KCNG3: variants seen among roughly 807,000 people sequenced by gnomAD.
KCNG3 encodes potassium voltage-gated channel modifier subfamily G member 3, also known as voltage-gated potassium channel regulatory subunit KCNG3.
KCNG3 carries 15 observed loss-of-function variants against 29.0 expected under a neutral mutation model. That is an observed-to-expected ratio of 0.52 (90% CI 0.35 to 0.80). KCNG3 has a LOEUF of 0.80. Ranked by LOEUF, KCNG3 falls within the 30% of genes least tolerant of loss-of-function variation. KCNG3 has a pLI of 0.01. For missense variants in KCNG3, 512 were observed against 605.7 expected (o/e 0.85, Z 1.62); for synonymous variants, 322 against 248.9 (o/e 1.29, Z -2.76).
chr2:42,416,196 G>T, the KCNG3 span, among the ~76,000 whole-genome samples: 2 of 152,268 alleles, frequency 1.3e-5, no homozygotes, highest in African/African-American at 4.8e-5. Context: ...GGAGACAAAG[G>T]AAGGCAGGAG....
Position 42,444,126 on chromosome 2 carries a change from T to C in KCNG3, c.1119A>G (p.Thr373=). 1 of 1,614,152 alleles carries C rather than the reference T, an allele frequency of 6.2e-7. No homozygotes were observed. Among genetic ancestry groups the C allele is most frequent in the Non-Finnish European group, 8.5e-7 (1 of 1,180,010 alleles). Residue 373 remains threonine, a synonymous_variant, in exon 2 of 2, where the codon ACA becomes ACG. Transcript: ENST00000306078. This position sits in a 1 kb window ranked among gnomAD's most constrained non-coding sequence, Gnocchi z 5.8. ...ACWWVIISMT[T]VGYGDMYPIT... Reference sequence around the variant, plus strand: ...TAGGATACATATCTCCATAGCCAACTGTAGTCATAGAGATAATCACCCACC... The same window carrying C: ...TAGGATACATATCTCCATAGCCAACCGTAGTCATAGAGATAATCACCCACC...
intron 1 of KCNG3, among the ~76,000 whole-genome samples, chr2:42,477,114 C>A (rs1304589549): frequency 1.3e-5 from 2 of 149,926 alleles, no homozygotes; most frequent in Non-Finnish European, 3.0e-5. Flanking sequence ...ATGGTGTGAA[C>A]CCGGGAGGCG....
rs1254175138 is a variant in KCNG3 at position 42,443,037 on chromosome 2, A to G, written c.*897T>C. The G allele has an allele frequency of 1.3e-5, 2 of 152,154 alleles. No homozygotes were observed. Among genetic ancestry groups the G allele is most frequent in the African/African-American group, 4.8e-5 (2 of 41,434 alleles). The allele number at this position is 152,154 out of a possible 1,614,324, so 9.4% of individuals were successfully genotyped here. ...CCTTTCATCTGATAAGTCTTATTAA[A>G]CCTCTAGTGTTTGGGGGAGGAGGTT... On this transcript the variant is annotated 3_prime_UTR_variant, in exon 2 of 2. Coordinates refer to ENST00000306078, the MANE Select transcript of KCNG3 (RefSeq NM_133329.6).
At chr2:42,430,054 A>G in the KCNG3 span, among the ~76,000 whole-genome samples, 1 of 152,140 alleles carries the variant, frequency 6.6e-6, no homozygotes, top group Non-Finnish European at 1.5e-5. Context: ...TTTTTTCTCT[A>G]AGCAAATTTT....
At chr2:42,434,732 A>G in the KCNG3 span, among the ~76,000 whole-genome samples, 177 of 151,100 alleles carry the variant, frequency 1.2e-3, no homozygotes, top group Non-Finnish European at 2.2e-3. Flanking sequence ...CAAACTTACT[A>G]CAAAGATACA....
chr2:42,451,315 C>T (rs941350296), intron 1 of KCNG3, among the ~76,000 whole-genome samples: 4 of 151,286 alleles, frequency 2.6e-5, no homozygotes, highest in African/African-American at 9.7e-5. Context: ...CAGTGACACA[C>T]ACCTGTAATC....
the KCNG3 span, among the ~76,000 whole-genome samples, chr2:42,410,566 A>T: frequency 6.6e-6 from 1 of 152,160 alleles, no homozygotes. Flanking sequence ...ATTTTCATGC[A>T]AGTAGGGGAC....
chr2:42,431,389 C>T, the KCNG3 span, among the ~76,000 whole-genome samples: 3 of 152,006 alleles, frequency 2.0e-5, no homozygotes, highest in East Asian at 1.9e-4. Flanking sequence ...ATCATAACTC[C>T]GTTAGGTTTG....
the KCNG3 span, among the ~76,000 whole-genome samples, chr2:42,412,847 T>C: frequency 2.0e-5 from 3 of 152,242 alleles, no homozygotes; most frequent in African/African-American, 7.2e-5. Context: ...TACTCAGTTT[T>C]CTTCCCTGCT....
At chr2:42,452,244 T>TATATATATATATATATATATATA (rs1491559721) in intron 1 of KCNG3, among the ~76,000 whole-genome samples, 1 of 57,044 alleles carries the variant, frequency 1.8e-5, no homozygotes, top group African/African-American at 7.8e-5. Context: ...TATATATATA[T>TATATATATATATATATATATATA]TTTTTTTTTT....
the KCNG3 span, among the ~76,000 whole-genome samples, chr2:42,421,941 T>C: frequency 1.3e-5 from 2 of 152,194 alleles, no homozygotes; most frequent in East Asian, 3.8e-4. Context: ...GATTGTAACA[T>C]ATAGTCATTG....
the KCNG3 span, among the ~76,000 whole-genome samples, chr2:42,429,149 A>AC: frequency 1.3e-5 from 2 of 152,182 alleles, no homozygotes; most frequent in South Asian, 4.2e-4. Context: ...AAACAAACAA[A>AC]AAAAAAACAG....
In KCNG3 at chr2:42,444,283, C is replaced by T. The variant is rs1449349202; in HGVS notation, c.962G>A (p.Arg321Gln). Reference protein sequence around the residue: ...TLGLTLKRCYREMVMLLVFIC... With the variant: ...TLGLTLKRCYQEMVMLLVFIC... Reference sequence around the variant, plus strand: ...GAAGACAAGTAACATAACCATCTCTCGGTAGCAACGTTTGAGAGTCAAACC... The same window carrying T: ...GAAGACAAGTAACATAACCATCTCTTGGTAGCAACGTTTGAGAGTCAAACC... The change falls in exon 2 of 2, where the codon CGA (arginine) becomes CAA (glutamine). Residue 321 changes from arginine to glutamine, a missense_variant. Arg to Gln is a conservative substitution (Grantham distance 43, BLOSUM62 1). This residue lies in a region of KCNG3 where 173 missense variants were observed against 262.4 expected (regional missense o/e 0.66). Coordinates refer to ENST00000306078, the MANE Select transcript of KCNG3 (RefSeq NM_133329.6). The surrounding 1 kb of genome is among the most constrained non-coding windows in gnomAD (Gnocchi z 5.8). 3.1e-6 allele frequency: 5 copies of T among 1,614,026 alleles called. No homozygotes were observed. Among genetic ancestry groups the T allele is most frequent in the East Asian group, 2.2e-5 (1 of 44,888 alleles).
At chr2:42,428,475 A>AAAAG in the KCNG3 span, among the ~76,000 whole-genome samples, 2 of 143,814 alleles carry the variant, frequency 1.4e-5, no homozygotes, top group African/African-American at 2.8e-5. Flanking sequence ...AAAAAAAAAA[A>AAAAG]AAAGAAAAGA....
Position 42,455,743 on chromosome 2 carries a change from T to TGC in KCNG3, c.666-11165_666-11164insGC, listed in dbSNP as rs565634222. Among the ~76,000 whole-genome samples the TGC allele has an allele frequency of 2.0e-3, 307 of 152,122 alleles. 1 individual carries two copies. The highest frequency in any genetic ancestry group is 0.014 in the Middle Eastern group (4 of 294). On this transcript the variant is annotated intron_variant, in intron 1 of 1. Coordinates refer to ENST00000306078, the MANE Select transcript of KCNG3 (RefSeq NM_133329.6). Reference sequence around the variant, plus strand: ...ATGACTGCTCCATTACACTCCAGACTAGGCAACAGACCAAAATCCTGTCTC... The same window carrying TGC: ...ATGACTGCTCCATTACACTCCAGACTGCAGGCAACAGACCAAAATCCTGTCTC...
At chr2:42,402,576 G>T in the KCNG3 span, among the ~76,000 whole-genome samples, 1 of 152,198 alleles carries the variant, frequency 6.6e-6, no homozygotes, top group Admixed American at 6.5e-5. Flanking sequence ...AATTCAGCTG[G>T]AATTCGTTTT....
chr2:42,414,286 G>C, the KCNG3 span, among the ~76,000 whole-genome samples: 1 of 152,110 alleles, frequency 6.6e-6, no homozygotes, highest in African/African-American at 2.4e-5. Flanking sequence ...GTCCTTGTGT[G>C]TGTTAAAATA....
intron 1 of KCNG3, among the ~76,000 whole-genome samples, chr2:42,468,954 CAAAAAAAAAA>C (rs61287684): frequency 5.3e-5 from 3 of 57,112 alleles, no homozygotes; most frequent in South Asian, 8.1e-4. Flanking sequence ...ACTCCGTCTC[CAAAAAAAAAA>C]AAAAAAAAAA....
chr2:42,474,383 C>T (rs1053561049), intron 1 of KCNG3, among the ~76,000 whole-genome samples: 8 of 151,790 alleles, frequency 5.3e-5, no homozygotes, highest in African/African-American at 1.9e-4. Flanking sequence ...CAAAAATTAG[C>T]TGGGCATGGT....
Sources: gnomAD v4.1 joint callset for allele counts (sites outside exome capture counted in the v4.1 genomes callset) on GRCh38, gnomAD v4.1.1 for gene constraint, gnomAD v4.1.1 regional missense constraint, Gnocchi (gnomAD v3.1) non-coding constraint, MANE v1.5 for transcripts, NCBI Gene and HGNC (gene_info 2026-07-23, HGNC 2026-07-21) for gene names.